BORCS8: variants seen among roughly 807,000 people sequenced by gnomAD.
BORCS8 encodes the protein BLOC-1-related complex subunit 8.
In BORCS8, 13 loss-of-function variants were observed where a neutral mutation model predicts 18.7. That is an observed-to-expected ratio of 0.70 (90% CI 0.45 to 1.11). The LOEUF (loss-of-function observed/expected upper bound fraction) is 1.11. BORCS8 is among the 50% of genes least tolerant of loss of function. BORCS8 has a pLI of 0.00. For synonymous variants in BORCS8, 68 were observed against 64.8 expected, an observed-to-expected ratio of 1.05 and a Z score of -0.24; for missense variants, 165 against 165.7, an observed-to-expected ratio of 1.00 and a Z score of 0.02.
intron 4 of BORCS8, among the ~76,000 whole-genome samples, chr19:19,181,449 G>T (rs1448435036): frequency 6.6e-6 from 1 of 152,230 alleles, no homozygotes; most frequent in African/African-American, 2.4e-5. Flanking sequence ...CTTACAAAGA[G>T]AGGTGTCAGC....
At chr19:19,188,710 C>G (rs2060435523) in intron 1 of BORCS8, among the ~76,000 whole-genome samples, 1 of 152,132 alleles carries the variant, frequency 6.6e-6, no homozygotes, top group South Asian at 2.1e-4. Context: ...CCCCTGGGCT[C>G]CTGTGCAGGC....
chr19:19,191,972 C>A, intron 1 of BORCS8, 109 bp downstream of exon 1: 1 of 1,318,086 alleles, frequency 7.6e-7, no homozygotes, highest in African/African-American at 1.5e-5. Context: ...TGGGATTGGA[C>A]GGCAGTTCAA....
At chr19:19,185,550 G>A (rs1026182935) in intron 3 of BORCS8, among the ~76,000 whole-genome samples, 2 of 152,216 alleles carry the variant, frequency 1.3e-5, no homozygotes, top group Non-Finnish European at 2.9e-5. Context: ...GCCGGGCAAG[G>A]TGGCGGGCGC....
intron 1 of BORCS8, 60 bp downstream of exon 1, chr19:19,192,021 G>C (rs2060489629): frequency 6.5e-7 from 1 of 1,543,644 alleles, no homozygotes; most frequent in Non-Finnish European, 8.8e-7. Flanking sequence ...CCCGGCCTTT[G>C]TCAGGCCGCC....
At position 19,180,349 on chromosome 19, in the gene BORCS8, G is replaced by C. The variant is rs551788164; in HGVS notation, c.*42+337C>G. 18 of 350,352 alleles carry C rather than the reference G, an allele frequency of 5.1e-5. No homozygotes were observed. The East Asian group carries it at 8.7e-4, about 17-fold the overall frequency. The allele number at this position is 350,352 out of a possible 1,614,324, so 21.7% of individuals were successfully genotyped here. Reference sequence around the variant, plus strand: ...TGAGAGACTGTGCACGGGTAAAGCAGGCTGCTGGCACGTGGTAGGATAGAG... The same window carrying C: ...TGAGAGACTGTGCACGGGTAAAGCACGCTGCTGGCACGTGGTAGGATAGAG... On this transcript the variant is annotated intron_variant, in intron 5 of 5. Coordinates refer to ENST00000462790, the MANE Select transcript of BORCS8 (RefSeq NM_001145784.2).
At chr19:19,191,284 C>A (rs1054774525) in intron 1 of BORCS8, among the ~76,000 whole-genome samples, 1 of 151,148 alleles carries the variant, frequency 6.6e-6, no homozygotes, top group South Asian at 2.1e-4. Context: ...GATCCCCCCA[C>A]GGCACTCCAG....
At chr19:19,187,098 G>A (rs2060417063) in intron 1 of BORCS8, 93 bp from the exon 2 acceptor site, 1 of 939,328 alleles carries the variant, frequency 1.1e-6, no homozygotes, top group South Asian at 1.6e-5. Flanking sequence ...GAGCAAAGGG[G>A]GCATCTGGCG....
At chr19:19,183,827 C>T (rs1484832565) in intron 3 of BORCS8, among the ~76,000 whole-genome samples, 1 of 151,750 alleles carries the variant, frequency 6.6e-6, no homozygotes, top group Non-Finnish European at 1.5e-5. Context: ...GCCTCGGCCT[C>T]CAAAAGTGCT....
chr19:19,182,798 T>C lies in BORCS8; in HGVS notation c.216-115A>G, dbSNP rs958689464. 153 of 1,353,016 alleles carry C rather than the reference T, an allele frequency of 1.1e-4. No individual in the cohort carries two copies. Among genetic ancestry groups the C allele is most frequent in the Non-Finnish European group, 1.5e-4 (150 of 1,021,594 alleles). 83.8% of individuals were successfully genotyped at this position (1,353,016 alleles called of 1,614,324 possible). A position where few individuals can be genotyped will look rare whatever the true frequency, so the allele number is the denominator to read the frequency against. On this transcript the variant is annotated intron_variant, in intron 3 of 5. Transcript: ENST00000462790. This position sits in a 1 kb window ranked among gnomAD's most constrained non-coding sequence, Gnocchi z 4.1. ...TGGGTACCTCAGTGATTCTGCGGGC[T>C]TCCCGAAGGACTCACAGTGGGCTTA...
chr19:19,183,833 G>A (rs966413574), intron 3 of BORCS8, among the ~76,000 whole-genome samples: 1 of 151,210 alleles, frequency 6.6e-6, no homozygotes, highest in Non-Finnish European at 1.5e-5. Flanking sequence ...GCCTCCAAAA[G>A]TGCTGGGATT....
chr19:19,191,954 G>T, intron 1 of BORCS8, 127 bp downstream of exon 1: 2 of 1,138,400 alleles, frequency 1.8e-6, no homozygotes, highest in Non-Finnish European at 2.5e-6. Context: ...ACTAGTCAGC[G>T]GCAGAGCTGG....
At chr19:19,181,407 C>A (rs1174774560) in intron 4 of BORCS8, among the ~76,000 whole-genome samples, 1 of 152,188 alleles carries the variant, frequency 6.6e-6, no homozygotes, top group Non-Finnish European at 1.5e-5. Context: ...GCAACTCACT[C>A]ACACAAGACT....
Position 19,186,228 on chromosome 19 carries a change from C to T in BORCS8, c.151-130G>A, listed in dbSNP as rs1568567316. ...GCAGAGACCTTTCCTCCTGCAACTC[C>T]CTTCCCTCACAGGTCTGGGCTTTCT... is the stretch of plus-strand genomic sequence containing the variant. On this transcript the variant is annotated intron_variant, in intron 2 of 5. Coordinates refer to ENST00000462790, the MANE Select transcript of BORCS8 (RefSeq NM_001145784.2). 1.9e-5 allele frequency: 16 copies of T among 846,786 alleles called. No individual in the cohort carries two copies. The East Asian group carries it at 4.0e-4, about 21-fold the overall frequency. The allele number at this position is 846,786 out of a possible 1,614,324, so 52.5% of individuals were successfully genotyped here. A position where few individuals can be genotyped will look rare whatever the true frequency, so the allele number is the denominator to read the frequency against.
At chr19:19,180,806 C>A in intron 4 of BORCS8, 45 bp from the exon 5 acceptor site, 1 of 1,515,424 alleles carries the variant, frequency 6.6e-7, no homozygotes, top group Non-Finnish European at 8.9e-7. Context: ...AGGTCAGAGG[C>A]CACAAGGCTT....
chr19:19,188,621 C>T (rs564117479), intron 1 of BORCS8, among the ~76,000 whole-genome samples: 13 of 152,272 alleles, frequency 8.5e-5, no homozygotes, highest in African/African-American at 2.9e-4. Flanking sequence ...CCCAGGAGGG[C>T]CTCAGCTGCC....
chr19:19,191,020 T>C (rs1232379991), intron 1 of BORCS8, among the ~76,000 whole-genome samples: 1 of 152,118 alleles, frequency 6.6e-6, no homozygotes, highest in Non-Finnish European at 1.5e-5. Flanking sequence ...TAGGCCTGTA[T>C]TATGTATTCT....
chr19:19,177,677 GAAGGAAGGAAGGAAGGAAGAGA>G (rs1446067373), intron 5 of BORCS8: 17 of 87,158 alleles, frequency 2.0e-4, no homozygotes, highest in African/African-American at 7.7e-4. Context: ...AGGAAGGAAG[GAAGGAAGGAAGGAAGGAAGAGA>G]AAAGAAAAGA....
Position 19,180,723 on chromosome 19 carries a change from C to T in BORCS8, c.*5G>A, listed in dbSNP as rs909431004. 2 of 1,550,592 alleles carry T rather than the reference C, an allele frequency of 1.3e-6. No homozygotes were observed. Among genetic ancestry groups the T allele is most frequent in the Admixed American group, 3.9e-5 (2 of 50,922 alleles). ...AGGCTGGGGGGCCCCGAGTCTCTTCCAGGATCAGGCTGAGGAGGGCGGGGG... is the reference window on the plus strand; with the variant it reads ...AGGCTGGGGGGCCCCGAGTCTCTTCTAGGATCAGGCTGAGGAGGGCGGGGG... On this transcript the variant is annotated 3_prime_UTR_variant, in exon 5 of 6. Transcript: ENST00000462790.
At chr19:19,191,536 C>A (rs1410894518) in intron 1 of BORCS8, among the ~76,000 whole-genome samples, 1 of 149,256 alleles carries the variant, frequency 6.7e-6, no homozygotes, top group Non-Finnish European at 1.5e-5. Context: ...GCGATTACTA[C>A]GCCCCGGGGA....
Sources: allele counts gnomAD v4.1 joint callset (sites outside exome capture counted in the v4.1 genomes callset), GRCh38; gene constraint gnomAD v4.1.1; non-coding constraint Gnocchi (gnomAD v3.1); transcripts MANE v1.5; gene names NCBI Gene and HGNC (gene_info 2026-07-23, HGNC 2026-07-21).